The following DTL variants were observed in gnomAD, a reference collection of about 807,000 sequenced individuals.
DTL encodes denticleless protein homolog.
A neutral mutation model predicts 87.0 loss-of-function variants in DTL; 46 were observed. The observed-to-expected ratio is 0.53, with a 90% CI of 0.42 to 0.68. The LOEUF (loss-of-function observed/expected upper bound fraction) is 0.68, where lower values mean the gene tolerates loss of function less well. Among genes scored for constraint, DTL ranks in the 30% least tolerant of loss-of-function variants. The pLI is 0.00. For synonymous variants in DTL, 308 were observed against 311.2 expected (o/e 0.99, Z 0.11); for missense variants, 737 against 869.4 (o/e 0.85, Z 1.91).
chr1:212,060,813 A>G (rs1315729918), intron 5 of DTL, among the ~76,000 whole-genome samples: 1 of 152,104 alleles, frequency 6.6e-6, no homozygotes, highest in Non-Finnish European at 1.5e-5. Flanking sequence ...CTAGAAGAAA[A>G]CATAGGGAAA....
chr1:212,085,106 C>G (rs1655090533), intron 13 of DTL, among the ~76,000 whole-genome samples: 1 of 152,148 alleles, frequency 6.6e-6, no homozygotes, highest in South Asian at 2.1e-4. Flanking sequence ...ACAGACACAA[C>G]CATCTTTTTT....
intron 1 of DTL, among the ~76,000 whole-genome samples, chr1:212,042,678 TAGG>T (rs1667690108): frequency 6.6e-6 from 1 of 152,190 alleles, no homozygotes; most frequent in Non-Finnish European, 1.5e-5. Context: ...GTCTCTTTGG[TAGG>T]AGAAGGGGGA....
intron 5 of DTL, among the ~76,000 whole-genome samples, chr1:212,060,169 C>A (rs1233787676): frequency 1.3e-5 from 2 of 152,064 alleles, no homozygotes; most frequent in African/African-American, 2.4e-5. Flanking sequence ...GTAGAAAGAA[C>A]AATCTTAAAA....
intron 6 of DTL, among the ~76,000 whole-genome samples, chr1:212,063,201 C>G (rs1173440011): frequency 2.0e-5 from 3 of 152,078 alleles, no homozygotes. Context: ...GCCATTTACC[C>G]ACATTATTGA....
chr1:212,094,901 T>G (rs1198929098), intron 13 of DTL, among the ~76,000 whole-genome samples: 1 of 152,184 alleles, frequency 6.6e-6, no homozygotes, highest in Non-Finnish European at 1.5e-5. Context: ...TGTTTGCTGT[T>G]GCTGTATAGC....
At chr1:212,051,069 G>T (rs1309557925) in intron 5 of DTL, among the ~76,000 whole-genome samples, 2 of 151,908 alleles carry the variant, frequency 1.3e-5, no homozygotes, top group African/African-American at 4.8e-5. Flanking sequence ...TGTTAGCAAG[G>T]CCCAGGATTT....
intron 11 of DTL, among the ~76,000 whole-genome samples, chr1:212,073,330 T>C (rs577058075): frequency 6.6e-6 from 1 of 152,366 alleles, no homozygotes; most frequent in East Asian, 1.9e-4. Context: ...ACTTCATAAA[T>C]GTCTTTGACA....
At chr1:212,098,717 G>A (rs1368540732) in intron 13 of DTL, among the ~76,000 whole-genome samples, 1 of 152,044 alleles carries the variant, frequency 6.6e-6, no homozygotes, top group Non-Finnish European at 1.5e-5. Flanking sequence ...ACCACAGCCA[G>A]CAAGGCCAGT....
At chr1:212,099,652 C>G (rs1388139123) in intron 13 of DTL, 1 of 152,378 alleles carries the variant, frequency 6.6e-6, no homozygotes, top group Non-Finnish European at 1.5e-5. Flanking sequence ...TTGTCCTCTT[C>G]GACCAAGCAC....
intron 14 of DTL, among the ~76,000 whole-genome samples, chr1:212,102,601 A>G (rs541476583): frequency 1.3e-5 from 2 of 152,338 alleles, no homozygotes; most frequent in African/African-American, 2.4e-5. Flanking sequence ...AGACTTAGCT[A>G]GTAAATGTTT....
At chr1:212,075,551 C>T (rs1337297230) in intron 11 of DTL, among the ~76,000 whole-genome samples, 2 of 152,048 alleles carry the variant, frequency 1.3e-5, no homozygotes, top group African/African-American at 4.8e-5. Context: ...GATTTAAAAG[C>T]CACCTGAATC....
At chr1:212,088,616 G>T (rs1367595992) in intron 13 of DTL, among the ~76,000 whole-genome samples, 1 of 152,184 alleles carries the variant, frequency 6.6e-6, no homozygotes, top group Non-Finnish European at 1.5e-5. Context: ...AACATGAGAA[G>T]AATTTCTGCC....
chr1:212,063,895 G>GTTT (rs36083602), intron 6 of DTL, among the ~76,000 whole-genome samples: 2 of 138,760 alleles, frequency 1.4e-5, no homozygotes, highest in African/African-American at 5.3e-5. Context: ...TTTGTTTCTT[G>GTTT]TTTTTTTTTT....
At chr1:212,047,462 A>C (rs771853352) in intron 5 of DTL, 45 bp downstream of exon 5, 7 of 1,609,878 alleles carry the variant, frequency 4.3e-6, no homozygotes, top group Non-Finnish European at 5.9e-6. Flanking sequence ...CCTTCTTTGC[A>C]GTTGGGAGAT....
chr1:212,041,671 AT>A (rs369950280), intron 1 of DTL, among the ~76,000 whole-genome samples: 4 of 149,030 alleles, frequency 2.7e-5, no homozygotes, highest in South Asian at 2.1e-4. Context: ...CGCCTGGCTA[AT>A]TTTTTTTTTA....
At chr1:212,047,761 C>G (rs1306770547) in intron 5 of DTL, among the ~76,000 whole-genome samples, 1 of 152,182 alleles carries the variant, frequency 6.6e-6, no homozygotes, top group Non-Finnish European at 1.5e-5. Context: ...GTCTAGAACT[C>G]CTGAGCTCAG....
Position 212,100,420 on chromosome 1 carries a change from G to A in DTL, c.1430G>A (p.Arg477Gln), listed in dbSNP as rs780485662. ...ATTAAAACCTCTCCTGCCAAGGCCC[G>A]GTCTCCCATCAACAGAAGAGGCTCT... is the stretch of plus-strand genomic sequence containing the variant. ...FSIKTSPAKA[R>Q]SPINRRGSVS... The change falls in exon 14 of 15, where the codon CGG (arginine) becomes CAG (glutamine). Residue 477 changes from arginine to glutamine, a missense_variant. Coordinates refer to ENST00000366991, the MANE Select transcript of DTL (RefSeq NM_016448.4). 4.3e-6 allele frequency: 7 copies of A among 1,613,720 alleles called. No homozygotes were observed. The highest frequency in any genetic ancestry group is 3.3e-5 in the Admixed American group (2 of 59,976).
At position 212,072,070 on chromosome 1, in the gene DTL, G is replaced by A. The variant is rs753964130; in HGVS notation, c.923-31G>A. ...CATTTGACCACTAGAAATAACAAGA[G>A]CCAAGTAATTTGGTTTTTTTCCTCT... On this transcript the variant is annotated intron_variant, in intron 10 of 14. Transcript: ENST00000366991. 6.6e-6 allele frequency: 10 copies of A among 1,504,252 alleles called. No homozygotes were observed. In the South Asian group the frequency reaches 1.0e-4, roughly 15 times the overall value. 93.2% of individuals were successfully genotyped at this position (1,504,252 alleles called of 1,614,324 possible).
At chr1:212,061,914 TAGA>T (rs1253906330) in intron 5 of DTL, among the ~76,000 whole-genome samples, 1 of 152,104 alleles carries the variant, frequency 6.6e-6, no homozygotes, top group African/African-American at 2.4e-5. Context: ...TAAAGTTAGA[TAGA>T]AGGTGTAAGT....
Sources: gnomAD v4.1 joint callset for allele counts (sites outside exome capture counted in the v4.1 genomes callset) on GRCh38, gnomAD v4.1.1 for gene constraint, MANE v1.5 for transcripts, NCBI Gene and HGNC (gene_info 2026-07-23, HGNC 2026-07-21) for gene names.